The following MTDH variants were observed in gnomAD, a reference collection of about 807,000 sequenced individuals.
The protein encoded by MTDH is protein LYRIC.
MTDH carries 34 observed loss-of-function variants against 72.7 expected under a neutral mutation model. The observed-to-expected ratio is 0.47, with a 90% CI of 0.36 to 0.62. The LOEUF is 0.62. Among genes scored for constraint, MTDH ranks in the 20% least tolerant of loss-of-function variants. The pLI, the probability that MTDH is intolerant of heterozygous loss-of-function variation, is 0.00. For synonymous variants in MTDH, 266 were observed against 268.9 expected (o/e 0.99, Z 0.10); for missense variants, 677 against 699.4 (o/e 0.97, Z 0.36).
chr8:97,690,679 T>C (rs1276655902), intron 5 of MTDH, among the ~76,000 whole-genome samples: 1 of 152,248 alleles, frequency 6.6e-6, no homozygotes, highest in Non-Finnish European at 1.5e-5. Context: ...AATGTCTTCA[T>C]ATTCTTAGTG....
rs1357645400 is a variant in MTDH, at chr8:97,699,922, TTA to T, written c.1147+72_1147+73del. 3 of 963,252 alleles carry T rather than the reference TTA, an allele frequency of 3.1e-6. No individual in the cohort carries two copies. In the African/African-American group the frequency reaches 4.9e-5, roughly 16 times the overall value. The allele number at this position is 963,252 out of a possible 1,614,324, so 59.7% of individuals were successfully genotyped here. On this transcript the variant is annotated intron_variant, in intron 7 of 11. Transcript: ENST00000336273. The stretch of plus-strand genomic sequence containing the variant: ...CTTTCTAGCACCCTGAATTCATGCT[TTA>T]TGTTTTAATTTTAATTCTAATTTCT...
intron 2 of MTDH, among the ~76,000 whole-genome samples, chr8:97,663,127 A>G (rs1812240158): frequency 6.6e-6 from 1 of 152,058 alleles, no homozygotes; most frequent in South Asian, 2.1e-4. Flanking sequence ...CTTTCTCTCT[A>G]TTAGTGAGTA....
chr8:97,662,248 CAT>C (rs1415155267), intron 2 of MTDH, among the ~76,000 whole-genome samples: 1 of 150,174 alleles, frequency 6.7e-6, no homozygotes, highest in East Asian at 2.0e-4. Flanking sequence ...GCCCACACAA[CAT>C]AGTCTTGAAC....
At chr8:97,678,836 T>C (rs1812958473) in intron 2 of MTDH, among the ~76,000 whole-genome samples, 1 of 152,146 alleles carries the variant, frequency 6.6e-6, no homozygotes. Flanking sequence ...ACAAAGAATT[T>C]ATACTGAATC....
intron 1 of MTDH, among the ~76,000 whole-genome samples, chr8:97,652,676 GT>G (rs1811818835): frequency 6.6e-6 from 1 of 152,150 alleles, no homozygotes; most frequent in African/African-American, 2.4e-5. Context: ...TGGATAATCT[GT>G]TATTGAGTTA....
At chr8:97,659,003 C>T (rs183788820) in intron 1 of MTDH, among the ~76,000 whole-genome samples, 2,733 of 152,026 alleles carry the variant, frequency 0.018, 41 homozygotes, top group African/African-American at 0.036. Flanking sequence ...ATTAGCTGGG[C>T]GTGGTGGCAG....
intron 2 of MTDH, among the ~76,000 whole-genome samples, chr8:97,666,210 A>C (rs747357608): frequency 1.3e-5 from 2 of 152,226 alleles, no homozygotes; most frequent in African/African-American, 2.4e-5. Flanking sequence ...CAAAATGTGT[A>C]AACTTTTGTC....
At position 97,644,184 on chromosome 8, in the gene MTDH, A is replaced by G. The variant is rs1382735242; in HGVS notation, c.-323A>G. 16 of 221,780 alleles carry G rather than the reference A, an allele frequency of 7.2e-5. No homozygotes were observed. The highest frequency in any genetic ancestry group is 1.2e-4 in the Non-Finnish European group (14 of 119,528). 13.7% of individuals were successfully genotyped at this position (221,780 alleles called of 1,614,324 possible). A position where few individuals can be genotyped will look rare whatever the true frequency, so the allele number is the denominator to read the frequency against. On this transcript the variant is annotated 5_prime_UTR_variant, in exon 1 of 12. Transcript: ENST00000336273. ...CCGCGCGCGGCGTGGATCGCGGCCC[A>G]AGCCGCCATTGTTCCGCCGAGGGAG...
At chr8:97,678,593 T>C (rs1001146313) in intron 2 of MTDH, among the ~76,000 whole-genome samples, 3 of 138,260 alleles carry the variant, frequency 2.2e-5, no homozygotes, top group Admixed American at 7.5e-5. Flanking sequence ...CTTCCTTCCT[T>C]CTTTTTTTTT....
At chr8:97,691,407 CT>C (rs1224247000) in intron 6 of MTDH, among the ~76,000 whole-genome samples, 2 of 152,134 alleles carry the variant, frequency 1.3e-5, no homozygotes, top group African/African-American at 4.8e-5. Flanking sequence ...CTTTCACATA[CT>C]TTATCACATT....
At chr8:97,683,355 G>C (rs374771169) in intron 2 of MTDH, among the ~76,000 whole-genome samples, 1 of 151,222 alleles carries the variant, frequency 6.6e-6, no homozygotes, top group African/African-American at 2.4e-5. Context: ...GAGCCACCAC[G>C]CCCAGCCTCT....
At chr8:97,666,350 A>G (rs1812386509) in intron 2 of MTDH, among the ~76,000 whole-genome samples, 1 of 152,168 alleles carries the variant, frequency 6.6e-6, no homozygotes, top group African/African-American at 2.4e-5. Context: ...AAACATTTTC[A>G]TATCTCTTAA....
intron 7 of MTDH, among the ~76,000 whole-genome samples, chr8:97,700,890 G>C (rs770479649): frequency 6.6e-6 from 1 of 152,220 alleles, no homozygotes; most frequent in Middle Eastern, 3.4e-3. Flanking sequence ...GTAAGCTGGC[G>C]ACACAGTGGT....
intron 2 of MTDH, among the ~76,000 whole-genome samples, chr8:97,669,849 G>A (rs1390320945): frequency 6.6e-6 from 1 of 150,654 alleles, no homozygotes; most frequent in Non-Finnish European, 1.5e-5. Flanking sequence ...CTGGGAGACG[G>A]AGGTTGCAGG....
chr8:97,678,559 TTCTC>T (rs779930097), intron 2 of MTDH, among the ~76,000 whole-genome samples: 2 of 151,754 alleles, frequency 1.3e-5, no homozygotes, highest in East Asian at 1.9e-4. Context: ...TTCTCCCTCT[TTCTC>T]TCTCTGTTTC....
At chr8:97,711,743 T>C (rs1273834435) in intron 8 of MTDH, among the ~76,000 whole-genome samples, 1 of 152,224 alleles carries the variant, frequency 6.6e-6, no homozygotes, top group African/African-American at 2.4e-5. Flanking sequence ...TAAAGTTTAA[T>C]TTGTAAATTA....
chr8:97,696,257 T>G (rs1813830009), intron 6 of MTDH: 9 of 985,310 alleles, frequency 9.1e-6, no homozygotes, highest in African/African-American at 1.7e-5. Flanking sequence ...GAATTCTGCT[T>G]CTTTTGCATC....
chr8:97,661,841 G>A (rs1812181643), intron 2 of MTDH, among the ~76,000 whole-genome samples: 1 of 151,182 alleles, frequency 6.6e-6, no homozygotes, highest in South Asian at 2.1e-4. Context: ...TACTCAGCAG[G>A]CTGAGGTGGG....
At chr8:97,703,926 C>A (rs1176605852) in intron 7 of MTDH, among the ~76,000 whole-genome samples, 1 of 152,142 alleles carries the variant, frequency 6.6e-6, no homozygotes, top group Admixed American at 6.6e-5. Context: ...TGACCAAAAT[C>A]ATCTTGTTAT....
Sources: allele counts gnomAD v4.1 joint callset (sites outside exome capture counted in the v4.1 genomes callset), GRCh38; gene constraint gnomAD v4.1.1; transcripts MANE v1.5; gene names NCBI Gene and HGNC (gene_info 2026-07-23, HGNC 2026-07-21).